The following PCDHA8 variants were observed in gnomAD, a reference collection of about 807,000 sequenced individuals.
The protein encoded by PCDHA8 is protocadherin alpha-8.
PCDHA8 carries 53 observed loss-of-function variants against 61.8 expected under a neutral mutation model. The ratio of observed to expected loss-of-function variants is 0.86; its 90% CI spans 0.69 to 1.08. The LOEUF (loss-of-function observed/expected upper bound fraction) is 1.08, where lower values mean the gene tolerates loss of function less well. Among genes scored for constraint, PCDHA8 ranks in the 50% least tolerant of loss-of-function variants. The pLI is 0.00. For missense variants in PCDHA8, 1,293 were observed against 1,245.0 expected (o/e 1.04, Z -0.58); for synonymous variants, 618 against 556.6 (o/e 1.11, Z -1.55).
intron 1 of PCDHA8, chr5:140,849,824 G>C: frequency 6.3e-7 from 1 of 1,598,646 alleles, no homozygotes; most frequent in East Asian, 2.2e-5. Context: ...GGGTGTCTGT[G>C]GAGGTGGCCG....
At chr5:140,914,016 G>A (rs1344982730) in intron 1 of PCDHA8, among the ~76,000 whole-genome samples, 2 of 152,140 alleles carry the variant, frequency 1.3e-5, no homozygotes, top group Non-Finnish European at 2.9e-5. Flanking sequence ...CTTTGAGAAT[G>A]ATCCACGTGC....
chr5:140,895,309 C>A (rs1327911944), intron 1 of PCDHA8, among the ~76,000 whole-genome samples: 1 of 152,124 alleles, frequency 6.6e-6, no homozygotes, highest in African/African-American at 2.4e-5. Context: ...CCCCCTTCCA[C>A]CCATGACTAT....
intron 1 of PCDHA8, among the ~76,000 whole-genome samples, chr5:140,970,860 C>T (rs2096438853): frequency 6.6e-6 from 1 of 152,054 alleles, no homozygotes; most frequent in Non-Finnish European, 1.5e-5. Context: ...AAGTTCCATT[C>T]CTGATTGAGA....
In PCDHA8 at chr5:140,858,202, A is replaced by C. The variant is rs782325182; in HGVS notation, c.2394+14487A>C. On this transcript the variant is annotated intron_variant, in intron 1 of 3. Transcript: ENST00000531613. The stretch of plus-strand genomic sequence containing the variant: ...TGCTCACGCTGCTGCTGTACACTGC[A>C]CTGAGGTGCTCGGCGGCGCCCACCG... The C allele has an allele frequency of 1.9e-6, 3 of 1,596,904 alleles. No homozygotes were observed. In the East Asian group the frequency reaches 6.7e-5, roughly 36 times the overall value.
intron 1 of PCDHA8, among the ~76,000 whole-genome samples, chr5:140,946,661 G>C (rs2094005923): frequency 7.6e-6 from 1 of 132,422 alleles, no homozygotes; most frequent in Non-Finnish European, 1.6e-5. Flanking sequence ...CCATTAGAAA[G>C]AATGAAATCC....
At chr5:140,869,551 TCG>T in intron 1 of PCDHA8, 1 of 1,614,218 alleles carries the variant, frequency 6.2e-7, no homozygotes, top group Non-Finnish European at 8.5e-7. Context: ...GCAATCGGAC[TCG>T]CGTTTTCCAC....
chr5:140,884,304 C>T (rs1562802468), intron 1 of PCDHA8: 1 of 1,613,710 alleles, frequency 6.2e-7, no homozygotes, highest in East Asian at 2.2e-5. Context: ...CCACAGGCTT[C>T]GTCGAGGGCG....
At chr5:140,984,790 G>A (rs2097121430) in intron 3 of PCDHA8, among the ~76,000 whole-genome samples, 1 of 152,104 alleles carries the variant, frequency 6.6e-6, no homozygotes, top group Admixed American at 6.5e-5. Flanking sequence ...GGTGAGCATA[G>A]ACAAACTGCC....
chr5:140,884,947 C>CA (rs2060414559), intron 1 of PCDHA8, among the ~76,000 whole-genome samples: 1 of 152,090 alleles, frequency 6.6e-6, no homozygotes, highest in Non-Finnish European at 1.5e-5. Context: ...TGAGCATTTA[C>CA]AAAAAATTCC....
At chr5:140,853,308 C>T in intron 1 of PCDHA8, 1 of 983,184 alleles carries the variant, frequency 1.0e-6, no homozygotes, top group Non-Finnish European at 1.2e-6. Context: ...CTGTGAACAC[C>T]TTAGTAATAA....
intron 1 of PCDHA8, among the ~76,000 whole-genome samples, chr5:140,885,299 G>A (rs904206700): frequency 3.9e-5 from 6 of 152,042 alleles, no homozygotes; most frequent in African/African-American, 1.4e-4. Context: ...GAGAGACCTG[G>A]TAGGCTTTTT....
rs1778917220 is a variant in PCDHA8 at position 140,843,490 on chromosome 5, C to T, written c.2169C>T (p.Cys723=). 14 of 1,596,024 alleles carry T rather than the reference C, an allele frequency of 8.8e-6. 1 individual carries two copies. The highest frequency in any genetic ancestry group is 2.2e-5 in the East Asian group (1 of 44,822). The change falls in exon 1 of 4, where the codon TGC becomes TGT. Residue 723 remains cysteine (C), a synonymous_variant. Coordinates refer to ENST00000531613, the MANE Select transcript of PCDHA8 (RefSeq NM_018911.3). ...LTLLLYTALR[C]SALPTEGGCR... is the part of the protein sequence containing the mutation. ...TGCTGCTGTACACTGCGCTGCGGTG[C>T]TCAGCACTGCCCACTGAGGGCGGGT...
chr5:140,857,659 C>G lies in PCDHA8; in HGVS notation c.2394+13944C>G, dbSNP rs200404988. On this transcript the variant is annotated intron_variant, in intron 1 of 3. Transcript: ENST00000531613. ...TGCTACAGTTCCAGGTGAGCGCGCG[C>G]GATGGGGGCGTGCCGCCTCTGGGCA... is the stretch of plus-strand genomic sequence containing the variant. 3.8e-6 allele frequency: 6 copies of G among 1,596,596 alleles called. No individual in the cohort carries two copies. In the Admixed American group the frequency reaches 8.4e-5, roughly 22 times the overall value.
At chr5:140,860,734 GTTTTTTA>G (rs1404225189) in intron 1 of PCDHA8, 2 of 152,108 alleles carry the variant, frequency 1.3e-5, no homozygotes, top group Non-Finnish European at 2.9e-5. Context: ...TGGTTTTTTT[GTTTTTTA>G]TTTTTTATTT....
At chr5:140,931,751 A>G (rs1393748704) in intron 1 of PCDHA8, among the ~76,000 whole-genome samples, 2 of 151,952 alleles carry the variant, frequency 1.3e-5, no homozygotes, top group African/African-American at 4.8e-5. Context: ...TCACAAAGGC[A>G]TTTGTTATTT....
At chr5:140,904,064 G>C (rs1238949756) in intron 1 of PCDHA8, among the ~76,000 whole-genome samples, 2 of 151,906 alleles carry the variant, frequency 1.3e-5, no homozygotes, top group Non-Finnish European at 2.9e-5. Context: ...TGGGTTTTTG[G>C]GGAACAGTAT....
chr5:140,870,555 G>A (rs1554164406), intron 1 of PCDHA8: 1 of 1,613,926 alleles, frequency 6.2e-7, no homozygotes, highest in Non-Finnish European at 8.5e-7. Context: ...CGGACGCGCA[G>A]GAGAACGCGC....
At chr5:140,876,752 C>A (rs374137138) in intron 1 of PCDHA8, 2 of 1,614,194 alleles carry the variant, frequency 1.2e-6, no homozygotes, top group Non-Finnish European at 1.7e-6. Context: ...GTGGTGACTG[C>A]GCGGGATGGG....
chr5:140,944,273 G>A (rs1208171689), intron 1 of PCDHA8, among the ~76,000 whole-genome samples: 2 of 152,098 alleles, frequency 1.3e-5, no homozygotes, highest in African/African-American at 4.8e-5. Flanking sequence ...CTGCAGCCTT[G>A]ACACCCCGGG....
Sources: gnomAD v4.1 joint callset for allele counts (sites outside exome capture counted in the v4.1 genomes callset) on GRCh38, gnomAD v4.1.1 for gene constraint, MANE v1.5 for transcripts, NCBI Gene and HGNC (gene_info 2026-07-23, HGNC 2026-07-21) for gene names.